Variants in BCAS3 observed in about 807,000 individuals in gnomAD.
BCAS3 encodes BCAS3 microtubule associated cell migration factor.
Under a neutral mutation model 116.1 loss-of-function variants are expected in BCAS3, and 53 were observed. The ratio of observed to expected loss-of-function variants is 0.46; its 90% CI spans 0.37 to 0.57. BCAS3 has a LOEUF of 0.57. Ranked by LOEUF, BCAS3 falls within the 20% of genes least tolerant of loss-of-function variation. The pLI is 0.00. For synonymous variants in BCAS3, 391 were observed against 408.2 expected (o/e 0.96, Z 0.51); for missense variants, 917 against 1,165.4 (o/e 0.79, Z 3.10).
Position 61,215,475 on chromosome 17 carries a change from T to TGAA in BCAS3, c.2425+130915_2425+130917dup, listed in dbSNP as rs2081730666. Among the ~76,000 whole-genome samples, 1 of 152,192 alleles carries TGAA rather than the reference T, an allele frequency of 6.6e-6. No individual in the cohort carries two copies. The highest frequency in any genetic ancestry group is 2.4e-5 in the African/African-American group (1 of 41,452). On this transcript the variant is annotated intron_variant, in intron 22 of 23. Transcript: ENST00000407086. The surrounding 1 kb of genome is among the most constrained non-coding windows in gnomAD (Gnocchi z 4.8). ...TGTAGTAATTCTATGATATATTACTTGAAGAACAGAGGCAACATTTAAATG... is the reference window on the plus strand; with the variant it reads ...TGTAGTAATTCTATGATATATTACTTGAAGAAGAACAGAGGCAACATTTAAATG...
chr17:61,135,577 T>C (rs2076580377), intron 22 of BCAS3, among the ~76,000 whole-genome samples: 1 of 152,236 alleles, frequency 6.6e-6, no homozygotes, highest in South Asian at 2.1e-4. Context: ...ACTTGTCACC[T>C]TGAGGTCCTG....
chr17:61,048,443 A>G (rs367772682), intron 19 of BCAS3, among the ~76,000 whole-genome samples: 2 of 151,986 alleles, frequency 1.3e-5, no homozygotes, highest in South Asian at 2.1e-4. Context: ...AGTAAGGGAG[A>G]AAGCAAGTGA....
intron 14 of BCAS3, among the ~76,000 whole-genome samples, chr17:60,980,993 C>T (rs535581023): frequency 1.3e-5 from 2 of 152,096 alleles, no homozygotes; most frequent in East Asian, 3.9e-4. Context: ...GCCACCATGC[C>T]AGGCTAATGT....
Position 61,364,269 on chromosome 17 carries a change from T to C in BCAS3, c.2426-4058T>C, listed in dbSNP as rs1226155074. On this transcript the variant is annotated intron_variant, in intron 22 of 23. Transcript: ENST00000407086. This position sits in a 1 kb window ranked among gnomAD's most constrained non-coding sequence, Gnocchi z 5.4. ...CCACTATCAAATTGTGTTTCTCCTG[T>C]GTGCCATCCCGTAAACATGGTGACT... 2.0e-5 allele frequency among the ~76,000 whole-genome samples: 3 copies of C among 152,192 alleles called. No individual in the cohort carries two copies. The highest frequency in any genetic ancestry group is 7.2e-5 in the African/African-American group (3 of 41,462).
chr17:61,171,711 CCT>C lies in BCAS3; in HGVS notation c.2425+87148_2425+87149del, dbSNP rs1270920811. Among the ~76,000 whole-genome samples, 7 of 152,034 alleles carry C rather than the reference CCT, an allele frequency of 4.6e-5. No individual in the cohort carries two copies. The highest frequency in any genetic ancestry group is 1.7e-4 in the African/African-American group (7 of 41,392). ...TTACAGCTCACTGCAGCCTCAAACT[CCT>C]GGGCTCAAGTCATCCTCCTGCTTCA... On this transcript the variant is annotated intron_variant, in intron 22 of 23. Coordinates refer to ENST00000407086, the MANE Select transcript of BCAS3 (RefSeq NM_017679.5). This position sits in a 1 kb window ranked among gnomAD's most constrained non-coding sequence, Gnocchi z 4.1.
intron 12 of BCAS3, among the ~76,000 whole-genome samples, chr17:60,924,079 A>G (rs193189108): frequency 3.0e-4 from 46 of 152,296 alleles, no homozygotes; most frequent in Admixed American, 8.5e-4. Context: ...TAAAGCGCTA[A>G]GTGATTACAT....
At chr17:60,966,948 C>T (rs901427114) in intron 14 of BCAS3, among the ~76,000 whole-genome samples, 1 of 152,052 alleles carries the variant, frequency 6.6e-6, no homozygotes, top group Non-Finnish European at 1.5e-5. Context: ...GCCTGGCACC[C>T]CCAGCATCTT....
rs537343806 is a variant in BCAS3 at position 60,872,454 on chromosome 17, C to T, written c.585-2208C>T. On this transcript the variant is annotated intron_variant, in intron 8 of 23. Transcript: ENST00000407086. ...ATATCTGTATGTATATATACACATA[C>T]ACACACACCCCATATATATCTGTAT... is the stretch of plus-strand genomic sequence containing the variant. Among the ~76,000 whole-genome samples, 184 of 148,568 alleles carry T rather than the reference C, an allele frequency of 1.2e-3. 1 individual carries two copies. The highest frequency in any genetic ancestry group is 4.5e-3 in the African/African-American group (180 of 40,236).
At chr17:60,807,858 C>A (rs2048424758) in intron 6 of BCAS3, 146 bp from the exon 7 acceptor site, 1 of 531,770 alleles carries the variant, frequency 1.9e-6, no homozygotes, top group Non-Finnish European at 3.3e-6. Flanking sequence ...TATATAGTAG[C>A]TTTTCTTCTT....
intron 11 of BCAS3, among the ~76,000 whole-genome samples, chr17:60,906,646 A>G (rs2145082399): frequency 6.6e-6 from 1 of 152,302 alleles, no homozygotes; most frequent in South Asian, 2.1e-4. Flanking sequence ...CTGACTTTGT[A>G]ACTCAGTACC....
intron 22 of BCAS3, among the ~76,000 whole-genome samples, chr17:61,135,102 G>A (rs1426232500): frequency 1.1e-4 from 16 of 152,116 alleles, no homozygotes; most frequent in Non-Finnish European, 2.2e-4. Context: ...CGTGTGAAGT[G>A]CCCTGTTTCA....
chr17:61,062,007 A>G (rs2143311923), intron 19 of BCAS3, among the ~76,000 whole-genome samples: 1 of 152,242 alleles, frequency 6.6e-6, no homozygotes, highest in East Asian at 1.9e-4. Context: ...AGGGGGAAAA[A>G]CACATAACCC....
At chr17:60,699,089 C>T (rs1342441304) in intron 4 of BCAS3, among the ~76,000 whole-genome samples, 3 of 152,014 alleles carry the variant, frequency 2.0e-5, no homozygotes, top group Non-Finnish European at 4.4e-5. Flanking sequence ...AAAAACAAAA[C>T]AAGAACAACA....
At chr17:61,090,226 T>G (rs2073438699) in intron 22 of BCAS3, among the ~76,000 whole-genome samples, 1 of 152,224 alleles carries the variant, frequency 6.6e-6, no homozygotes, top group African/African-American at 2.4e-5. Flanking sequence ...ATAAAGTTCT[T>G]CAGAAATATT....
At chr17:61,005,740 A>G (rs1600400823) in intron 15 of BCAS3, among the ~76,000 whole-genome samples, 1 of 145,682 alleles carries the variant, frequency 6.9e-6, no homozygotes, top group Non-Finnish European at 1.5e-5. Flanking sequence ...AAAGTTACTT[A>G]CATTTTGTGG....
At position 61,302,774 on chromosome 17, in the gene BCAS3, C is replaced by A. The variant is rs2053557133; in HGVS notation, c.2426-65553C>A. ...CTACGGCCTCTGGATGTGTTTTTAT[C>A]TAAGAGAATCCTACAGTAGTTCAGA... On this transcript the variant is annotated intron_variant, in intron 22 of 23. Coordinates refer to ENST00000407086, the MANE Select transcript of BCAS3 (RefSeq NM_017679.5). This position sits in a 1 kb window ranked among gnomAD's most constrained non-coding sequence, Gnocchi z 4.4. Among the ~76,000 whole-genome samples, 1 of 152,054 alleles carries A rather than the reference C, an allele frequency of 6.6e-6. No individual in the cohort carries two copies. Among genetic ancestry groups the A allele is most frequent in the Admixed American group, 6.6e-5 (1 of 15,248 alleles).
At chr17:60,812,221 T>C (rs1327796203) in intron 7 of BCAS3, among the ~76,000 whole-genome samples, 1 of 152,202 alleles carries the variant, frequency 6.6e-6, no homozygotes, top group East Asian at 1.9e-4. Context: ...AATACTTTTC[T>C]CTCTTAAATT....
At chr17:61,283,915 A>G (rs2051477085) in intron 22 of BCAS3, among the ~76,000 whole-genome samples, 1 of 152,030 alleles carries the variant, frequency 6.6e-6, no homozygotes, top group Non-Finnish European at 1.5e-5. Context: ...AGGCCACCAC[A>G]CCCAGTTGTA....
At chr17:60,931,817 A>G (rs2059660549) in intron 13 of BCAS3, among the ~76,000 whole-genome samples, 1 of 152,172 alleles carries the variant, frequency 6.6e-6, no homozygotes, top group Non-Finnish European at 1.5e-5. Context: ...TCACACCTTT[A>G]ATCTCAATAC....
Sources: allele counts gnomAD v4.1 joint callset (sites outside exome capture counted in the v4.1 genomes callset), GRCh38; gene constraint gnomAD v4.1.1; non-coding constraint Gnocchi (gnomAD v3.1); transcripts MANE v1.5; gene names NCBI Gene and HGNC (gene_info 2026-07-23, HGNC 2026-07-21).